Variants in MAN2B2 observed in about 807,000 individuals in gnomAD.
The protein encoded by MAN2B2 is mannosidase alpha class 2B member 2.
MAN2B2 carries 106 observed loss-of-function variants against 117.1 expected under a neutral mutation model. The observed-to-expected ratio is 0.90, with a 90% CI of 0.77 to 1.06. The LOEUF is 1.06. MAN2B2 is among the 50% of genes least tolerant of loss of function. The probability of loss-of-function intolerance (pLI) is 0.00; values close to 1 mark genes in which losing one functional copy is unlikely to be tolerated. For synonymous variants in MAN2B2, 544 were observed against 595.1 expected (o/e 0.91, Z 1.25); for missense variants, 1,326 against 1,381.4 (o/e 0.96, Z 0.64).
chr4:6,583,570 T>TA (rs1294731126), intron 3 of MAN2B2, among the ~76,000 whole-genome samples: 2 of 152,200 alleles, frequency 1.3e-5, no homozygotes, highest in Non-Finnish European at 2.9e-5. Flanking sequence ...GTATCCAAGT[T>TA]ACCAGCAGCT....
At chr4:6,621,150 C>G in intron 18 of MAN2B2, 38 bp from the exon 19 acceptor site, 3 of 1,523,042 alleles carry the variant, frequency 2.0e-6, no homozygotes, top group Non-Finnish European at 2.7e-6. Flanking sequence ...GAGGAGGCAT[C>G]CCAGGCCACA....
chr4:6,606,353 G>A (rs1460985759), intron 11 of MAN2B2, among the ~76,000 whole-genome samples: 1 of 152,256 alleles, frequency 6.6e-6, no homozygotes, highest in Non-Finnish European at 1.5e-5. Flanking sequence ...GTGCAGGGGT[G>A]ACAGCAGCCA....
In MAN2B2 at chr4:6,597,151, A is replaced by T. The variant is rs1403730786; in HGVS notation, c.1096A>T (p.Ser366Cys). Residue 366 changes from serine (S) to cysteine (C), a missense_variant, in exon 8 of 19, where the codon AGC becomes TGC. Transcript: ENST00000285599. ...CTGGACGGGCTTCTACACGTCCCGC[A>T]GCTCACTGAAGGGGCTGGCCCGGCG... ...QAWTGFYTSR[S>C]SLKGLARRAS... The T allele has an allele frequency of 6.2e-7, 1 of 1,613,310 alleles. No homozygotes were observed. The highest frequency in any genetic ancestry group is 1.7e-5 in the Admixed American group (1 of 59,986).
rs1214481263 is a variant in MAN2B2, at chr4:6,622,817, C to T, written c.*1532C>T. The T allele has an allele frequency of 6.6e-6, 1 of 150,958 alleles. No homozygotes were observed. The highest frequency in any genetic ancestry group is 1.5e-5 in the Non-Finnish European group (1 of 68,122). The allele number at this position is 150,958 out of a possible 1,614,324, so 9.4% of individuals were successfully genotyped here. A position where few individuals can be genotyped will look rare whatever the true frequency, so the allele number is the denominator to read the frequency against. On this transcript the variant is annotated 3_prime_UTR_variant, in exon 19 of 19. Coordinates refer to ENST00000285599, the MANE Select transcript of MAN2B2 (RefSeq NM_015274.3). ...CTGAAGGAAAGTACCCAGAAAGGAC[C>T]AGCTTGGAAGGAGTCAGACCTCTGG...
At chr4:6,587,294 C>A in intron 4 of MAN2B2, 126 bp downstream of exon 4, 2 of 1,174,846 alleles carry the variant, frequency 1.7e-6, no homozygotes, top group Non-Finnish European at 2.3e-6. Flanking sequence ...GCTGCATAGA[C>A]CGCGGGGCTG....
chr4:6,578,253 C>A, intron 2 of MAN2B2, 140 bp from the exon 3 acceptor site: 1 of 642,944 alleles, frequency 1.6e-6, no homozygotes, highest in Non-Finnish European at 2.8e-6. Context: ...CCAGGACAGA[C>A]AGTGCCCTGC....
intron 3 of MAN2B2, among the ~76,000 whole-genome samples, chr4:6,581,285 C>T (rs968955286): frequency 6.6e-6 from 1 of 152,162 alleles, no homozygotes; most frequent in Non-Finnish European, 1.5e-5. Flanking sequence ...AGCCCTTTCC[C>T]ATCTGCTATC....
At chr4:6,587,229 CAG>C in intron 4 of MAN2B2, 61 bp downstream of exon 4, 1 of 1,573,518 alleles carries the variant, frequency 6.4e-7, no homozygotes, top group South Asian at 1.2e-5. Flanking sequence ...TTCCTTGAAT[CAG>C]AGCACGGTAG....
chr4:6,593,484 C>T (rs1726940105), intron 6 of MAN2B2, 134 bp downstream of exon 6: 2 of 878,866 alleles, frequency 2.3e-6, no homozygotes, highest in Non-Finnish European at 3.3e-6. Flanking sequence ...CTCCATCCTC[C>T]TTCCCTGCAG....
At chr4:6,601,504 A>G (rs1179811705) in intron 10 of MAN2B2, among the ~76,000 whole-genome samples, 1 of 151,552 alleles carries the variant, frequency 6.6e-6, no homozygotes, top group Non-Finnish European at 1.5e-5. Context: ...CCATCTCAAA[A>G]AAAAAAAAAA....
chr4:6,614,944 G>C (rs1711787751), intron 16 of MAN2B2, among the ~76,000 whole-genome samples: 1 of 152,238 alleles, frequency 6.6e-6, no homozygotes, highest in South Asian at 2.1e-4. Context: ...GGCTCCCCGA[G>C]GAGGCGACAC....
chr4:6,581,983 T>C (rs1330868694), intron 3 of MAN2B2, among the ~76,000 whole-genome samples: 1 of 152,038 alleles, frequency 6.6e-6, no homozygotes, highest in African/African-American at 2.4e-5. Flanking sequence ...AGAGCTTTCA[T>C]GCCCCTCCCT....
At chr4:6,611,560 C>G (rs529243144) in intron 15 of MAN2B2, among the ~76,000 whole-genome samples, 1 of 152,340 alleles carries the variant, frequency 6.6e-6, no homozygotes, top group Non-Finnish European at 1.5e-5. Context: ...TCTGATGTAT[C>G]TTTTCCTTTC....
At chr4:6,620,086 G>T (rs1181202569) in intron 18 of MAN2B2, 42 bp downstream of exon 18, 4 of 1,522,822 alleles carry the variant, frequency 2.6e-6, no homozygotes, top group Middle Eastern at 2.2e-4. Flanking sequence ...AGGACTCCCA[G>T]CCAGGCTCAG....
chr4:6,588,622 G>A (rs111326497), intron 4 of MAN2B2, among the ~76,000 whole-genome samples: 2,009 of 152,268 alleles, frequency 0.013, 55 homozygotes, highest in African/African-American at 0.046. Context: ...GGCTGAGGCA[G>A]GACAATCGCT....
rs374156683 is a variant in MAN2B2, at chr4:6,575,232, C to T, written c.22C>T (p.Pro8Ser). The T allele has an allele frequency of 2.9e-4, 451 of 1,532,870 alleles. No individual in the cohort carries two copies. Among genetic ancestry groups the T allele is most frequent in the Non-Finnish European group, 3.7e-4 (423 of 1,142,832 alleles). The allele number at this position is 1,532,870 out of a possible 1,614,324, so 95.0% of individuals were successfully genotyped here. A position where few individuals can be genotyped will look rare whatever the true frequency, so the allele number is the denominator to read the frequency against. ...AGGGATGGGGCAGCTGTGCTGGCTG[C>T]CGCTGCTGGCACCGCTCCTGTTGCT... The part of the protein sequence containing the change: MGQLCWL[P>S]LLAPLLLLRP... The change falls in exon 1 of 19, where the codon CCG (proline) becomes TCG (serine). Residue 8 changes from proline to serine, a missense_variant. By Grantham distance (74) the Pro-to-Ser change is moderately conservative. Transcript: ENST00000285599.
At chr4:6,621,132 G>A (rs1312960145) in intron 18 of MAN2B2, 56 bp from the exon 19 acceptor site, 4 of 1,292,862 alleles carry the variant, frequency 3.1e-6, no homozygotes, top group Admixed American at 3.4e-5. Flanking sequence ...GGGTGAGAGG[G>A]AGGCTGGGAG....
At chr4:6,613,978 G>A (rs1303216587) in intron 15 of MAN2B2, among the ~76,000 whole-genome samples, 2 of 152,170 alleles carry the variant, frequency 1.3e-5, no homozygotes, top group Admixed American at 1.3e-4. Flanking sequence ...GAGATGGTTA[G>A]GCTGAGGAGA....
rs1477971723 is a variant in MAN2B2, at chr4:6,575,284, G to A, written c.74G>A (p.Gly25Asp). 4 of 1,564,184 alleles carry A rather than the reference G, an allele frequency of 2.6e-6. No individual in the cohort carries two copies. In the South Asian group the frequency reaches 4.7e-5, roughly 18 times the overall value. The change falls in exon 1 of 19, where the codon GGC becomes GAC. Residue 25 changes from glycine to aspartate, a missense_variant. Transcript: ENST00000285599. The part of the protein sequence containing the change: ...LLRPPGVQSA[G>D]PIRAFVVPHS... ...CGACCGCCAGGGGTCCAGTCCGCCGGCCCCATCCGGGCCTTCGTGGTGCCC... is the reference window on the plus strand; with the variant it reads ...CGACCGCCAGGGGTCCAGTCCGCCGACCCCATCCGGGCCTTCGTGGTGCCC...
Sources: gnomAD v4.1 joint callset for allele counts (sites outside exome capture counted in the v4.1 genomes callset) on GRCh38, gnomAD v4.1.1 for gene constraint, MANE v1.5 for transcripts, NCBI Gene and HGNC (gene_info 2026-07-23, HGNC 2026-07-21) for gene names.